The following ERC2 variants were observed in gnomAD, a reference collection of about 807,000 sequenced individuals.
ERC2 encodes ERC protein 2.
In ERC2, 42 loss-of-function variants were observed where a neutral mutation model predicts 114.8. That is an observed-to-expected ratio of 0.37 (90% CI 0.29 to 0.47). The LOEUF is 0.47. Among genes scored for constraint, ERC2 ranks in the 20% least tolerant of loss-of-function variants. ERC2 has a pLI of 0.99. For missense variants in ERC2, 939 were observed against 1,150.7 expected (o/e 0.82, Z 2.66); for synonymous variants, 454 against 425.5 (o/e 1.07, Z -0.82).
At chr3:55,956,295 C>T (rs569295790) in intron 12 of ERC2, among the ~76,000 whole-genome samples, 73 of 152,274 alleles carry the variant, frequency 4.8e-4, no homozygotes, top group African/African-American at 1.7e-3. Context: ...TTGCAGGAAG[C>T]TCATGACAGC....
intron 14 of ERC2, among the ~76,000 whole-genome samples, chr3:55,737,536 C>T (rs2065710798): frequency 6.6e-6 from 1 of 152,148 alleles, no homozygotes; most frequent in Admixed American, 6.5e-5. Flanking sequence ...TATTTTATCC[C>T]CTCTGTTGCA....
chr3:56,379,588 C>T (rs1243853348), intron 2 of ERC2, among the ~76,000 whole-genome samples: 10 of 152,162 alleles, frequency 6.6e-5, no homozygotes, highest in Admixed American at 5.9e-4. Flanking sequence ...TGGATTTCAA[C>T]TCGAGCAGTC....
chr3:55,936,403 G>A (rs2149413852), intron 13 of ERC2, among the ~76,000 whole-genome samples: 4 of 152,314 alleles, frequency 2.6e-5, no homozygotes, highest in Middle Eastern at 6.8e-3. Context: ...TGGACAAAGT[G>A]CCTATGTGCT....
chr3:55,604,674 G>A (rs77521636), intron 17 of ERC2, among the ~76,000 whole-genome samples: 1 of 152,156 alleles, frequency 6.6e-6, no homozygotes, highest in Non-Finnish European at 1.5e-5. Context: ...AAGTACAAAG[G>A]GGACTGCCTG....
At chr3:55,988,231 T>C (rs951537294) in intron 11 of ERC2, among the ~76,000 whole-genome samples, 2 of 152,124 alleles carry the variant, frequency 1.3e-5, no homozygotes, top group Non-Finnish European at 2.9e-5. Flanking sequence ...ACATCTGACA[T>C]TGGAGATGGA....
chr3:55,537,137 T>C (rs769353725), intron 17 of ERC2, among the ~76,000 whole-genome samples: 1 of 152,192 alleles, frequency 6.6e-6, no homozygotes, highest in Non-Finnish European at 1.5e-5. Context: ...GGAGGCCGCA[T>C]GGGCTCCACC....
intron 2 of ERC2, among the ~76,000 whole-genome samples, chr3:56,423,105 A>G (rs1261110697): frequency 5.9e-5 from 9 of 152,214 alleles, no homozygotes; most frequent in Non-Finnish European, 1.2e-4. Context: ...ATGATTACCA[A>G]TCCATAATTG....
chr3:56,242,899 G>C (rs1183215033), intron 3 of ERC2, among the ~76,000 whole-genome samples: 1 of 152,112 alleles, frequency 6.6e-6, no homozygotes, highest in Non-Finnish European at 1.5e-5. Context: ...CCTAAAAGTA[G>C]GATATCTCTA....
rs2051924299 is a variant in ERC2, at chr3:55,509,021, G to GT, written c.*2294dup. 6.6e-6 allele frequency: 1 copy of GT among 152,558 alleles called. No homozygotes were observed. Among genetic ancestry groups the GT allele is most frequent in the African/African-American group, 2.4e-5 (1 of 41,420 alleles). The allele number at this position is 152,558 out of a possible 1,614,324, so 9.5% of individuals were successfully genotyped here. A position where few individuals can be genotyped will look rare whatever the true frequency, so the allele number is the denominator to read the frequency against. On this transcript the variant is annotated 3_prime_UTR_variant, in exon 18 of 18. Coordinates refer to ENST00000288221, the MANE Select transcript of ERC2 (RefSeq NM_015576.3). ...AATATGTGAAAAAGGGATATTTTTGGTAACCCCCAAACATCAGAGAATATT... is the reference window on the plus strand; with the variant it reads ...AATATGTGAAAAAGGGATATTTTTGGTTAACCCCCAAACATCAGAGAATATT...
At chr3:55,943,351 T>C (rs1308083008) in intron 13 of ERC2, among the ~76,000 whole-genome samples, 1 of 152,124 alleles carries the variant, frequency 6.6e-6, no homozygotes, top group Non-Finnish European at 1.5e-5. Flanking sequence ...TGGAGTAAAA[T>C]AGAATAGAAG....
intron 14 of ERC2, among the ~76,000 whole-genome samples, chr3:55,862,932 T>G (rs976808258): frequency 1.2e-4 from 18 of 152,184 alleles, no homozygotes; most frequent in African/African-American, 4.3e-4. Flanking sequence ...AAGACATTAC[T>G]GGAGAGCCTG....
intron 3 of ERC2, among the ~76,000 whole-genome samples, chr3:56,266,036 AAAATAAAAT>A (rs1560487646): frequency 1.5e-3 from 17 of 11,048 alleles, no homozygotes; most frequent in Non-Finnish European, 0.013. Context: ...CCAAAAAAAT[AAAATAAAAT>A]AAAATAAAAT....
At chr3:56,358,949 C>T (rs2058845293) in intron 2 of ERC2, among the ~76,000 whole-genome samples, 1 of 152,272 alleles carries the variant, frequency 6.6e-6, no homozygotes, top group Admixed American at 6.5e-5. Context: ...GGAAGAAGAG[C>T]TGAAAGAGAA....
At chr3:56,103,491 T>G (rs1399064294) in intron 6 of ERC2, among the ~76,000 whole-genome samples, 3 of 152,066 alleles carry the variant, frequency 2.0e-5, no homozygotes, top group Non-Finnish European at 2.9e-5. Flanking sequence ...GCTCCCAAGC[T>G]CCCCTTTGTT....
intron 12 of ERC2, among the ~76,000 whole-genome samples, chr3:55,964,859 C>G (rs1423750200): frequency 1.3e-5 from 2 of 152,208 alleles, no homozygotes; most frequent in Admixed American, 1.3e-4. Context: ...CAGCTTTTAA[C>G]TGGCTATTAG....
At chr3:56,088,588 A>G (rs1432510735) in intron 6 of ERC2, among the ~76,000 whole-genome samples, 1 of 152,118 alleles carries the variant, frequency 6.6e-6, no homozygotes, top group Non-Finnish European at 1.5e-5. Flanking sequence ...GACAGACTGA[A>G]GAGGAAAGAT....
At chr3:56,061,918 C>T (rs1008108034) in intron 7 of ERC2, among the ~76,000 whole-genome samples, 5 of 152,074 alleles carry the variant, frequency 3.3e-5, no homozygotes, top group East Asian at 1.9e-4. Context: ...CTGATATACA[C>T]GTGGGTATAA....
At chr3:56,342,751 C>G (rs1198625279) in intron 2 of ERC2, among the ~76,000 whole-genome samples, 1 of 152,052 alleles carries the variant, frequency 6.6e-6, no homozygotes, top group Non-Finnish European at 1.5e-5. Context: ...CTTTTTGGAA[C>G]AATTTTTAAT....
intron 10 of ERC2, among the ~76,000 whole-genome samples, chr3:56,006,454 G>A (rs906828986): frequency 1.3e-5 from 2 of 151,922 alleles, no homozygotes; most frequent in Admixed American, 6.6e-5. Flanking sequence ...TTGTCAAAGG[G>A]AAACAAAATG....
Sources: allele counts gnomAD v4.1 joint callset (sites outside exome capture counted in the v4.1 genomes callset), GRCh38; gene constraint gnomAD v4.1.1; transcripts MANE v1.5; gene names NCBI Gene and HGNC (gene_info 2026-07-23, HGNC 2026-07-21).